The following RRAS2 variants were observed in gnomAD, a reference collection of about 807,000 sequenced individuals.
RRAS2 encodes RAS related 2.
In RRAS2, 7 loss-of-function variants were observed where a neutral mutation model predicts 27.6. That is an observed-to-expected ratio of 0.25 (90% CI 0.14 to 0.48). RRAS2 has a LOEUF of 0.48. Ranked by LOEUF, RRAS2 falls within the 20% of genes least tolerant of loss-of-function variation. The pLI, the probability that RRAS2 is intolerant of heterozygous loss-of-function variation, is 0.99. For synonymous variants in RRAS2, 86 were observed against 90.9 expected (o/e 0.95, Z 0.31); for missense variants, 178 against 256.2 (o/e 0.69, Z 2.08).
At chr11:14,339,642 A>G (rs1395995125) in intron 1 of RRAS2, among the ~76,000 whole-genome samples, 1 of 152,208 alleles carries the variant, frequency 6.6e-6, no homozygotes, top group Non-Finnish European at 1.5e-5. Flanking sequence ...TAGCATTTAC[A>G]CTACTAAAGT....
upstream of RRAS2, among the ~76,000 whole-genome samples, chr11:14,363,299 G>A (rs1320875337): frequency 6.6e-6 from 1 of 152,142 alleles, no homozygotes; most frequent in Non-Finnish European, 1.5e-5. Context: ...TGTTCTCCAC[G>A]AAGGATGTGC....
Position 14,309,065 on chromosome 11 carries a change from A to C in RRAS2, c.109-13210T>G, listed in dbSNP as rs16913814. 3.3e-3 allele frequency among the ~76,000 whole-genome samples: 506 copies of C among 152,254 alleles called. 10 individuals are homozygous for C. In the East Asian group the frequency reaches 0.041, roughly 12 times the overall value. ...TTTTCCTTTCCAAACTTAGAAATGGAAGGGTGCCCCATAAACAGGTAGGTA... is the reference window on the plus strand; with the variant it reads ...TTTTCCTTTCCAAACTTAGAAATGGCAGGGTGCCCCATAAACAGGTAGGTA... On this transcript the variant is annotated intron_variant, in intron 1 of 5. Coordinates refer to ENST00000256196, the MANE Select transcript of RRAS2 (RefSeq NM_012250.6).
intron 1 of RRAS2, among the ~76,000 whole-genome samples, chr11:14,339,309 A>C: frequency 6.9e-6 from 1 of 145,732 alleles, no homozygotes; most frequent in Non-Finnish European, 1.5e-5. Context: ...GGGGGGGAAG[A>C]AAAAATCTAT....
In RRAS2 at chr11:14,358,841, G is replaced by A. The variant is rs782710903; in HGVS notation, c.30C>T (p.Ser10=). ...CCACGAGCCGGTACTTCTCCTGGCC[G>A]GAGCCGTCCCGCCAGCCGGCCGCGG... MAAAGWRDG[S]GQEKYRLVVV... The change falls in exon 1 of 6, where the codon TCC becomes TCT. Residue 10 remains serine (S), a synonymous_variant. Transcript: ENST00000256196. This position sits in a 1 kb window ranked among gnomAD's most constrained non-coding sequence, Gnocchi z 5.1. 9.4e-6 allele frequency: 14 copies of A among 1,483,024 alleles called. No homozygotes were observed. Among genetic ancestry groups the A allele is most frequent in the Middle Eastern group, 4.6e-4 (2 of 4,350 alleles). The allele number at this position is 1,483,024 out of a possible 1,614,324, so 91.9% of individuals were successfully genotyped here. A position where few individuals can be genotyped will look rare whatever the true frequency, so the allele number is the denominator to read the frequency against.
chr11:14,315,553 A>G (rs1364729726), intron 1 of RRAS2, among the ~76,000 whole-genome samples: 3 of 152,220 alleles, frequency 2.0e-5, no homozygotes, highest in African/African-American at 7.2e-5. Context: ...CATTAGGTAA[A>G]AACTATGGAA....
intron 1 of RRAS2, among the ~76,000 whole-genome samples, chr11:14,328,783 G>C (rs1337743778): frequency 2.0e-5 from 3 of 151,718 alleles, no homozygotes; most frequent in African/African-American, 7.3e-5. Flanking sequence ...TCCTGGCTCA[G>C]CCTCCCCAGT....
At chr11:14,280,122 G>A (rs1384845703) in intron 5 of RRAS2, among the ~76,000 whole-genome samples, 1 of 152,110 alleles carries the variant, frequency 6.6e-6, no homozygotes, top group Non-Finnish European at 1.5e-5. Context: ...GAACTGGAAT[G>A]GGAAAGGGGG....
chr11:14,301,773 G>A (rs1165606388), intron 1 of RRAS2, among the ~76,000 whole-genome samples: 1 of 152,148 alleles, frequency 6.6e-6, no homozygotes, highest in Non-Finnish European at 1.5e-5. Flanking sequence ...GAGGTCAGGA[G>A]TTCGAGACCA....
At chr11:14,313,302 A>G (rs1216007903) in intron 1 of RRAS2, among the ~76,000 whole-genome samples, 2 of 152,210 alleles carry the variant, frequency 1.3e-5, no homozygotes, top group East Asian at 3.8e-4. Flanking sequence ...ATGCCACATC[A>G]ATTGTAAACC....
intron 1 of RRAS2, among the ~76,000 whole-genome samples, chr11:14,330,103 A>T (rs1848455879): frequency 6.6e-6 from 1 of 152,236 alleles, no homozygotes; most frequent in East Asian, 1.9e-4. Context: ...AAAATTAAAA[A>T]ATATCCAAAT....
chr11:14,346,273 T>C (rs1327448627), intron 1 of RRAS2, among the ~76,000 whole-genome samples: 2 of 152,184 alleles, frequency 1.3e-5, no homozygotes, highest in African/African-American at 4.8e-5. Flanking sequence ...GTGTAAATAA[T>C]AGGTACTTAA....
intron 5 of RRAS2, 78 bp downstream of exon 5, chr11:14,281,524 C>A: frequency 2.6e-6 from 3 of 1,175,648 alleles, no homozygotes; most frequent in Non-Finnish European, 3.6e-6. Flanking sequence ...AAAGGAATCA[C>A]TTCCATATAA....
Position 14,278,775 on chromosome 11 carries a change from A to T in RRAS2, c.*562T>A, listed in dbSNP as rs1484391890. On this transcript the variant is annotated 3_prime_UTR_variant, in exon 6 of 6. Transcript: ENST00000256196. ...TTTTATAAGCAGTTTTTAATCCATA[A>T]ATACAACAGGCATTTGGTATTTTGG... 1 of 152,796 alleles carries T rather than the reference A, an allele frequency of 6.5e-6. No individual in the cohort carries two copies. The highest frequency in any genetic ancestry group is 1.5e-5 in the Non-Finnish European group (1 of 68,284). 9.5% of individuals were successfully genotyped at this position (152,796 alleles called of 1,614,324 possible). A position where few individuals can be genotyped will look rare whatever the true frequency, so the allele number is the denominator to read the frequency against.
At chr11:14,334,907 C>T (rs782083403) in intron 1 of RRAS2, among the ~76,000 whole-genome samples, 1 of 152,172 alleles carries the variant, frequency 6.6e-6, no homozygotes, top group Non-Finnish European at 1.5e-5. Flanking sequence ...ACCAACCTAG[C>T]CCCAACCTCT....
At chr11:14,357,866 A>G (rs1849116186) in intron 1 of RRAS2, among the ~76,000 whole-genome samples, 1 of 152,176 alleles carries the variant, frequency 6.6e-6, no homozygotes, top group Non-Finnish European at 1.5e-5. Flanking sequence ...TTTGTGTTTT[A>G]AAAATCCCAA....
At chr11:14,341,418 G>A (rs1242608234) in intron 1 of RRAS2, among the ~76,000 whole-genome samples, 3 of 152,100 alleles carry the variant, frequency 2.0e-5, no homozygotes, top group African/African-American at 7.2e-5. Flanking sequence ...TAACTACCAA[G>A]ACAAAAATTA....
chr11:14,286,658 A>C (rs542529783), intron 4 of RRAS2, among the ~76,000 whole-genome samples: 2 of 152,372 alleles, frequency 1.3e-5, no homozygotes, highest in African/African-American at 2.4e-5. Flanking sequence ...TTAGTACACC[A>C]ATATACATAT....
chr11:14,279,394 TGAA>T lies in RRAS2; in HGVS notation c.555_557del (p.Ser186del). ...CTTTTTCTTTCCGTGTTGGTTCTGG[TGAA>T]GGAGGACATTCCTGCTCTTGAAATT... On this transcript the variant is annotated inframe_deletion, in exon 6 of 6. Transcript: ENST00000256196. 1 of 1,612,858 alleles carries T rather than the reference TGAA, an allele frequency of 6.2e-7. No homozygotes were observed. Among genetic ancestry groups the T allele is most frequent in the South Asian group, 1.1e-5 (1 of 91,060 alleles).
intron 1 of RRAS2, among the ~76,000 whole-genome samples, chr11:14,320,312 C>G (rs1848197054): frequency 6.6e-6 from 1 of 152,220 alleles, no homozygotes; most frequent in Non-Finnish European, 1.5e-5. Context: ...CAGGTTCTAA[C>G]ATCTTTTTAA....
Sources: allele counts gnomAD v4.1 joint callset (sites outside exome capture counted in the v4.1 genomes callset), GRCh38; gene constraint gnomAD v4.1.1; non-coding constraint Gnocchi (gnomAD v3.1); transcripts MANE v1.5; gene names NCBI Gene and HGNC (gene_info 2026-07-23, HGNC 2026-07-21).